The following TFEC variants were observed in gnomAD, a reference collection of about 807,000 sequenced individuals.
TFEC encodes the protein class E basic helix-loop-helix protein 34.
A neutral mutation model predicts 41.6 loss-of-function variants in TFEC; 31 were observed. The observed-to-expected ratio is 0.74, with a 90% CI of 0.56 to 1.01. The LOEUF (loss-of-function observed/expected upper bound fraction) is 1.01, where lower values mean the gene tolerates loss of function less well. Among genes scored for constraint, TFEC ranks in the 50% least tolerant of loss-of-function variants. The pLI is 0.00. For synonymous variants in TFEC, 143 were observed against 140.6 expected, an observed-to-expected ratio of 1.02 and a Z score of -0.12; for missense variants, 402 against 404.1, an observed-to-expected ratio of 0.99 and a Z score of 0.04.
intron 7 of TFEC, chr7:115,941,626 TACATGCAC>T: frequency 2.4e-6 from 1 of 414,008 alleles, no homozygotes; most frequent in Non-Finnish European, 4.2e-6. Flanking sequence ...TATATATATA[TACATGCAC>T]ACATACACAC....
At chr7:115,941,154 T>C (rs897258818) in intron 7 of TFEC, 15 of 482,526 alleles carry the variant, frequency 3.1e-5, no homozygotes, top group Admixed American at 7.6e-5. Context: ...TTTGGTCTCA[T>C]TGTTCTACAA....
intron 1 of TFEC, among the ~76,000 whole-genome samples, chr7:116,144,080 T>C (rs573537377): frequency 2.0e-5 from 3 of 152,166 alleles, no homozygotes; most frequent in African/African-American, 7.2e-5. Flanking sequence ...TAGCCAGGTA[T>C]GGTGGCACAC....
At chr7:115,987,545 A>G (rs1482080493) in intron 1 of TFEC, among the ~76,000 whole-genome samples, 2 of 152,168 alleles carry the variant, frequency 1.3e-5, no homozygotes, top group Non-Finnish European at 2.9e-5. Flanking sequence ...TGTGGGCACT[A>G]AGTGGTACAC....
chr7:116,035,612 G>T (rs966200034), upstream of TFEC, among the ~76,000 whole-genome samples: 1 of 151,870 alleles, frequency 6.6e-6, no homozygotes, highest in Non-Finnish European at 1.5e-5. Context: ...AAGTAAAGAA[G>T]GATTTGAAAA....
At chr7:116,078,442 T>C (rs188068973) in intron 3 of TFEC, among the ~76,000 whole-genome samples, 1 of 151,942 alleles carries the variant, frequency 6.6e-6, no homozygotes, top group East Asian at 1.9e-4. Flanking sequence ...ATTAATGAGA[T>C]TAACCAAGAA....
chr7:116,046,799 A>C (rs984928737), intron 3 of TFEC, among the ~76,000 whole-genome samples: 1 of 152,222 alleles, frequency 6.6e-6, no homozygotes, highest in African/African-American at 2.4e-5. Context: ...TGTTTCAGAA[A>C]GATGTATATA....
intron 1 of TFEC, among the ~76,000 whole-genome samples, chr7:115,997,738 T>C (rs924824259): frequency 5.3e-5 from 8 of 152,162 alleles, no homozygotes; most frequent in African/African-American, 1.7e-4. Flanking sequence ...AATATTATCA[T>C]GTAAATTTAA....
In TFEC at chr7:115,957,730, C is replaced by A. The variant is rs1792310500; in HGVS notation, c.268-937G>T. Among the ~76,000 whole-genome samples, 4 of 151,742 alleles carry A rather than the reference C, an allele frequency of 2.6e-5. No individual in the cohort carries two copies. In the South Asian group the frequency reaches 8.3e-4, roughly 31 times the overall value. The stretch of plus-strand genomic sequence containing the variant: ...GAATAAGAAGCAATTTTTTTTATTT[C>A]CTCAATGACTAGGAATAAAACATAT... On this transcript the variant is annotated intron_variant, in intron 3 of 7. Coordinates refer to ENST00000265440, the MANE Select transcript of TFEC (RefSeq NM_012252.4).
intron 3 of TFEC, among the ~76,000 whole-genome samples, chr7:116,056,233 G>A (rs1372248021): frequency 1.3e-5 from 2 of 151,978 alleles, no homozygotes. Context: ...TTTTCCTACT[G>A]TCCTTAGAGA....
intron 1 of TFEC, among the ~76,000 whole-genome samples, chr7:116,011,235 A>G (rs1489593591): frequency 6.6e-6 from 1 of 152,164 alleles, no homozygotes; most frequent in Non-Finnish European, 1.5e-5. Flanking sequence ...ACTCCAAAAC[A>G]CATCTAACCC....
Position 116,126,780 on chromosome 7 carries a change from C to A in TFEC, c.-68-14742G>T, listed in dbSNP as rs115796951. On this transcript the variant is annotated intron_variant, in intron 1 of 8. Coordinates refer to the TFEC transcript ENST00000484212. ...ATTGAGGGAGGAAACAAAAAAGGAGCAGGGTGAGATTGAAAAAATAAAAAC... is the reference window on the plus strand; with the variant it reads ...ATTGAGGGAGGAAACAAAAAAGGAGAAGGGTGAGATTGAAAAAATAAAAAC... 5.0e-3 allele frequency among the ~76,000 whole-genome samples: 766 copies of A among 151,910 alleles called. 4 individuals are homozygous for A. The highest frequency in any genetic ancestry group is 0.017 in the African/African-American group (693 of 41,480).
intron 3 of TFEC, among the ~76,000 whole-genome samples, chr7:116,080,127 C>A (rs1797054021): frequency 6.6e-6 from 1 of 151,976 alleles, no homozygotes; most frequent in Non-Finnish European, 1.5e-5. Flanking sequence ...TGGCAAGCCA[C>A]ATTAGAAGAA....
chr7:115,937,177 A>G lies in TFEC; in HGVS notation c.*3374T>C, dbSNP rs559548208. The G allele has an allele frequency of 1.3e-5, 2 of 151,804 alleles. No homozygotes were observed. Among genetic ancestry groups the G allele is most frequent in the South Asian group, 4.1e-4 (2 of 4,828 alleles). The allele number at this position is 151,804 out of a possible 1,614,324, so 9.4% of individuals were successfully genotyped here. A position where few individuals can be genotyped will look rare whatever the true frequency, so the allele number is the denominator to read the frequency against. On this transcript the variant is annotated 3_prime_UTR_variant, in exon 8 of 8. Coordinates refer to ENST00000265440, the MANE Select transcript of TFEC (RefSeq NM_012252.4). ...TTTGTTGAAAAAAGAATGAAAAACA[A>G]TAAAATTATTGTATCTTACTTTAAA...
chr7:116,151,064 C>G (rs1798750416), intron 1 of TFEC, among the ~76,000 whole-genome samples: 1 of 152,000 alleles, frequency 6.6e-6, no homozygotes, highest in Non-Finnish European at 1.5e-5. Context: ...GAATGCAGTG[C>G]ACTGTTTAGT....
intron 2 of TFEC, among the ~76,000 whole-genome samples, chr7:115,974,993 T>C (rs1158122217): frequency 6.6e-6 from 1 of 152,070 alleles, no homozygotes; most frequent in Non-Finnish European, 1.5e-5. Context: ...CTTTGCTATA[T>C]AGAAAAGGAA....
At chr7:116,156,961 TTTTG>T (rs1453412513) in intron 1 of TFEC, among the ~76,000 whole-genome samples, 5 of 152,190 alleles carry the variant, frequency 3.3e-5, no homozygotes, top group African/African-American at 7.2e-5. Flanking sequence ...TTGTCTTACC[TTTTG>T]TTTAATACTG....
intron 3 of TFEC, among the ~76,000 whole-genome samples, chr7:116,059,483 C>G (rs576332491): frequency 3.9e-5 from 6 of 152,044 alleles, no homozygotes; most frequent in South Asian, 2.1e-4. Flanking sequence ...CTTCTTCCCC[C>G]ACTCACTCTA....
At chr7:115,992,268 T>C (rs1037910256) in intron 1 of TFEC, among the ~76,000 whole-genome samples, 1 of 152,088 alleles carries the variant, frequency 6.6e-6, no homozygotes, top group African/African-American at 2.4e-5. Context: ...AGATCTAAAA[T>C]TGACACGCTA....
chr7:115,993,420 C>A (rs189297581), intron 1 of TFEC, among the ~76,000 whole-genome samples: 2,134 of 152,164 alleles, frequency 0.014, 40 homozygotes, highest in African/African-American at 0.048. Context: ...TCAAATTGTC[C>A]CTGTTTGCAG....
Sources: allele counts gnomAD v4.1 joint callset (sites outside exome capture counted in the v4.1 genomes callset), GRCh38; gene constraint gnomAD v4.1.1; transcripts MANE v1.5; gene names NCBI Gene and HGNC (gene_info 2026-07-23, HGNC 2026-07-21).